MAGI2: variants seen among roughly 807,000 people sequenced by gnomAD.
MAGI2 encodes the protein membrane associated guanylate kinase, WW and PDZ domain containing 2.
A neutral mutation model predicts 133.3 loss-of-function variants in MAGI2; 35 were observed. The observed-to-expected ratio is 0.26, with a 90% CI of 0.20 to 0.35. The LOEUF is 0.35. MAGI2 is among the 10% of genes least tolerant of loss of function. The pLI is 1.00. For missense variants in MAGI2, 1,636 were observed against 1,863.4 expected, an observed-to-expected ratio of 0.88 and a Z score of 2.25; for synonymous variants, 729 against 710.6, an observed-to-expected ratio of 1.03 and a Z score of -0.41.
intron 2 of MAGI2, among the ~76,000 whole-genome samples, chr7:78,680,480 G>A (rs1489215789): frequency 1.3e-5 from 2 of 152,128 alleles, no homozygotes; most frequent in Non-Finnish European, 2.9e-5. Flanking sequence ...ACAGGATTGA[G>A]AAAGAGAGGC....
chr7:79,001,510 T>C (rs758762419), intron 2 of MAGI2, among the ~76,000 whole-genome samples: 15 of 152,186 alleles, frequency 9.9e-5, no homozygotes, highest in Admixed American at 3.3e-4. Context: ...CAAAAATTAA[T>C]TTGTGTCTCT....
intron 20 of MAGI2, among the ~76,000 whole-genome samples, chr7:78,096,979 A>C (rs947906962): frequency 6.6e-6 from 1 of 152,232 alleles, no homozygotes; most frequent in Non-Finnish European, 1.5e-5. Context: ...GAGAACAAAC[A>C]ACCCCATTAA....
In MAGI2 at chr7:79,083,190, C is replaced by T. The variant is rs555226729; in HGVS notation, c.302-75984G>A. On this transcript the variant is annotated intron_variant, in intron 1 of 21. Coordinates refer to ENST00000354212, the MANE Select transcript of MAGI2 (RefSeq NM_012301.4). ...ATTTATTTTTCATTTAGCTTAAATG[C>T]TCTTGCTGGGCTCTCCAGTATAATG... Among the ~76,000 whole-genome samples, 3 of 151,338 alleles carry T rather than the reference C, an allele frequency of 2.0e-5. No individual in the cohort carries two copies. The East Asian group carries it at 5.8e-4, about 29-fold the overall frequency.
At chr7:78,671,780 T>A (rs2151073741) in intron 2 of MAGI2, among the ~76,000 whole-genome samples, 1 of 152,294 alleles carries the variant, frequency 6.6e-6, no homozygotes, top group Admixed American at 6.5e-5. Context: ...GTCATTAGAT[T>A]TTCTTTACCA....
At chr7:78,516,216 G>A (rs1380826064) in intron 4 of MAGI2, among the ~76,000 whole-genome samples, 3 of 152,136 alleles carry the variant, frequency 2.0e-5, no homozygotes, top group Non-Finnish European at 4.4e-5. Flanking sequence ...GTTTATATAC[G>A]GGATTAATGG....
chr7:78,713,628 T>C (rs1303513671), intron 2 of MAGI2, among the ~76,000 whole-genome samples: 1 of 152,108 alleles, frequency 6.6e-6, no homozygotes, highest in Non-Finnish European at 1.5e-5. Context: ...TGGCGGTACA[T>C]TAAAAAACAA....
chr7:79,299,507 G>T lies in MAGI2; in HGVS notation c.301+153513C>A, dbSNP rs146560361. 4.8e-4 allele frequency among the ~76,000 whole-genome samples: 56 copies of T among 117,806 alleles called. 1 individual carries two copies. Among genetic ancestry groups the T allele is most frequent in the African/African-American group, 1.8e-3 (56 of 30,914 alleles). The allele number at this position is 117,806 out of a possible 152,430, so 77.3% of individuals were successfully genotyped here. On this transcript the variant is annotated intron_variant, in intron 1 of 21. Coordinates refer to ENST00000354212, the MANE Select transcript of MAGI2 (RefSeq NM_012301.4). ...GGAGGTAGAGGTTGCAGTGAGCCAA[G>T]ATTGCGCCACTGCACTCCAGCCTGG...
At chr7:78,766,885 T>C (rs369029046) in intron 2 of MAGI2, among the ~76,000 whole-genome samples, 3 of 152,220 alleles carry the variant, frequency 2.0e-5, no homozygotes, top group Non-Finnish European at 2.9e-5. Flanking sequence ...CTGTTGACTT[T>C]GTGTATTTTA....
chr7:78,861,909 A>G, intron 2 of MAGI2, among the ~76,000 whole-genome samples: 1 of 152,180 alleles, frequency 6.6e-6, no homozygotes, highest in Admixed American at 6.5e-5. Context: ...GAATACATGA[A>G]TATTATTTAA....
intron 6 of MAGI2, among the ~76,000 whole-genome samples, chr7:78,489,333 A>G (rs1238985380): frequency 6.6e-6 from 1 of 152,088 alleles, no homozygotes; most frequent in Admixed American, 6.6e-5. Context: ...GCATGTCTTT[A>G]TATTTCTGAG....
intron 3 of MAGI2, among the ~76,000 whole-genome samples, chr7:78,590,828 A>C (rs995471387): frequency 2.0e-5 from 3 of 152,208 alleles, no homozygotes; most frequent in Non-Finnish European, 4.4e-5. Context: ...GAGATGCCCT[A>C]TTGGAGCAAT....
At chr7:78,165,896 A>AT in intron 15 of MAGI2, among the ~76,000 whole-genome samples, 1 of 152,288 alleles carries the variant, frequency 6.6e-6, no homozygotes, top group South Asian at 2.1e-4. Context: ...AATCTTTTCC[A>AT]TCCTATTTCA....
chr7:79,223,658 T>A (rs7788719), intron 1 of MAGI2, among the ~76,000 whole-genome samples: 1 of 151,926 alleles, frequency 6.6e-6, no homozygotes, highest in Non-Finnish European at 1.5e-5. Context: ...TGAGACCCTG[T>A]CTCTACTAAA....
chr7:79,235,212 A>G (rs921769904), intron 1 of MAGI2, among the ~76,000 whole-genome samples: 1 of 152,118 alleles, frequency 6.6e-6, no homozygotes, highest in Admixed American at 6.5e-5. Flanking sequence ...TCAGACAGGG[A>G]CATTTAAGTC....
At chr7:78,505,419 T>C (rs565829393) in intron 4 of MAGI2, among the ~76,000 whole-genome samples, 10 of 152,304 alleles carry the variant, frequency 6.6e-5, no homozygotes, top group Admixed American at 3.3e-4. Flanking sequence ...ATTTGATCTT[T>C]GTAAGTTTTG....
chr7:78,739,515 A>T (rs1247285003), intron 2 of MAGI2, among the ~76,000 whole-genome samples: 2 of 152,220 alleles, frequency 1.3e-5, no homozygotes, highest in Admixed American at 6.5e-5. Flanking sequence ...AGATAGATCA[A>T]CAGAGAAGTC....
chr7:78,294,388 A>C (rs1410684278), intron 9 of MAGI2, among the ~76,000 whole-genome samples: 3 of 152,124 alleles, frequency 2.0e-5, no homozygotes, highest in African/African-American at 7.2e-5. Context: ...TGCATTATTT[A>C]GTGTAGTTTC....
chr7:79,255,651 A>G (rs1373037687), intron 1 of MAGI2, among the ~76,000 whole-genome samples: 2 of 152,206 alleles, frequency 1.3e-5, no homozygotes, highest in Non-Finnish European at 2.9e-5. Context: ...TCTGCCAGAG[A>G]AACAACAGCA....
rs567126151 is a variant in MAGI2, at chr7:79,167,827, C to A, written c.302-160621G>T. 2.0e-5 allele frequency among the ~76,000 whole-genome samples: 3 copies of A among 152,188 alleles called. No homozygotes were observed. In the East Asian group the frequency reaches 5.8e-4, roughly 30 times the overall value. ...AACTGGCCCCAAAACTGGCCATAAA[C>A]AAAATCTCTGCAGCACTGTGACATG... On this transcript the variant is annotated intron_variant, in intron 1 of 21. Coordinates refer to ENST00000354212, the MANE Select transcript of MAGI2 (RefSeq NM_012301.4).
Sources: gnomAD v4.1 joint callset for allele counts (sites outside exome capture counted in the v4.1 genomes callset) on GRCh38, gnomAD v4.1.1 for gene constraint, MANE v1.5 for transcripts, NCBI Gene and HGNC (gene_info 2026-07-23, HGNC 2026-07-21) for gene names.